Variants in USB1 observed in about 807,000 individuals in gnomAD.
The protein encoded by USB1 is U6 snRNA biogenesis phosphodiesterase 1, also known as U6 snRNA phosphodiesterase 1.
In USB1, 21 loss-of-function variants were observed where a neutral mutation model predicts 29.9. The ratio of observed to expected loss-of-function variants is 0.70; its 90% CI spans 0.50 to 1.01. The LOEUF (loss-of-function observed/expected upper bound fraction) is 1.01. Ranked by LOEUF, USB1 falls within the 50% of genes least tolerant of loss-of-function variation. USB1 has a pLI of 0.00. For synonymous variants in USB1, 143 were observed against 134.9 expected (o/e 1.06, Z -0.42); for missense variants, 330 against 347.1 (o/e 0.95, Z 0.39).
In USB1 at chr16:58,013,823, T is replaced by C. The variant is rs1419348937; in HGVS notation, c.450-450T>C. The stretch of plus-strand genomic sequence containing the variant: ...TTGTGTGAGGATTCGAGAAACAGAG[T>C]GTGCAAAGGCTTGAGCTCAGCCCTG... On this transcript the variant is annotated intron_variant, in intron 3 of 6. Transcript: ENST00000219281. The surrounding 1 kb of genome is among the most constrained non-coding windows in gnomAD (Gnocchi z 4.3). 1 of 192,378 alleles carries C rather than the reference T, an allele frequency of 5.2e-6. No individual in the cohort carries two copies. Among genetic ancestry groups the C allele is most frequent in the Non-Finnish European group, 1.0e-5 (1 of 96,810 alleles). 11.9% of individuals were successfully genotyped at this position (192,378 alleles called of 1,614,324 possible).
intron 3 of USB1, chr16:58,012,598 A>C (rs2142306365): frequency 7.2e-7 from 1 of 1,382,666 alleles, no homozygotes; most frequent in East Asian, 2.7e-5. Flanking sequence ...GATTGGCTTC[A>C]GCACAAGTCA....
chr16:58,020,048 C>A, intron 6 of USB1, 93 bp from the exon 7 acceptor site: 2 of 1,226,980 alleles, frequency 1.6e-6, no homozygotes, highest in South Asian at 1.2e-5. Context: ...CTCGCCCAGC[C>A]TCTGAAGTTG....
rs142772054 is a variant in USB1 at position 58,011,304 on chromosome 16, A to G, written c.449+1192A>G. 3.1e-4 allele frequency: 445 copies of G among 1,423,106 alleles called. 2 individuals carry two copies. In the African/African-American group the frequency reaches 5.2e-3, roughly 17 times the overall value. 88.2% of individuals were successfully genotyped at this position (1,423,106 alleles called of 1,614,324 possible). On this transcript the variant is annotated intron_variant, in intron 3 of 6. Transcript: ENST00000219281. Reference sequence around the variant, plus strand: ...CCTCACTGGGGGCCTATGGGGGTGAAAGGAGATCATGGGTGCCCTCAGCAC... The same window carrying G: ...CCTCACTGGGGGCCTATGGGGGTGAGAGGAGATCATGGGTGCCCTCAGCAC...
rs371407164 is a variant in USB1, at chr16:58,002,938, G to A, written c.265+293G>A. Among the ~76,000 whole-genome samples, 6 of 152,300 alleles carry A rather than the reference G, an allele frequency of 3.9e-5. No homozygotes were observed. The South Asian group carries it at 6.2e-4, about 16-fold the overall frequency. On this transcript the variant is annotated intron_variant, in intron 2 of 6. Coordinates refer to ENST00000219281, the MANE Select transcript of USB1 (RefSeq NM_024598.4). ...GAGCAGGGTGTCAAGGTCATGCCAG[G>A]CACTTTATTTCTGAGAGGGCCCTGG...
In USB1 at chr16:58,021,466, A is replaced by G. The variant is rs1330532592; in HGVS notation, c.*1221A>G. On this transcript the variant is annotated 3_prime_UTR_variant, in exon 7 of 7. Coordinates refer to ENST00000219281, the MANE Select transcript of USB1 (RefSeq NM_024598.4). ...AACGTGGAGGAAGGGCCAGGGATGC[A>G]TGGGATTTTAATTGTTTCATCACAC... The G allele has an allele frequency of 6.6e-6, 1 of 152,262 alleles. No individual in the cohort carries two copies. Among genetic ancestry groups the G allele is most frequent in the Non-Finnish European group, 1.5e-5 (1 of 68,048 alleles). 9.4% of individuals were successfully genotyped at this position (152,262 alleles called of 1,614,324 possible). A position where few individuals can be genotyped will look rare whatever the true frequency, so the allele number is the denominator to read the frequency against.
chr16:58,003,131 G>A (rs1450030902), intron 2 of USB1, among the ~76,000 whole-genome samples: 1 of 152,200 alleles, frequency 6.6e-6, no homozygotes, highest in Admixed American at 6.5e-5. Flanking sequence ...AATCTAAAAT[G>A]GGGGTAGCAC....
chr16:58,003,336 C>T (rs941048610), intron 2 of USB1, among the ~76,000 whole-genome samples: 2 of 152,110 alleles, frequency 1.3e-5, no homozygotes, highest in Admixed American at 6.6e-5. Flanking sequence ...CTGAGGTAGG[C>T]GGATTGACTG....
chr16:58,001,249 G>A, upstream of USB1: 3 of 612,206 alleles, frequency 4.9e-6, no homozygotes, highest in Non-Finnish European at 8.8e-6. Flanking sequence ...GGAGGTCCCA[G>A]CGGGGTGCCG....
chr16:58,007,681 C>T (rs1037312834), intron 2 of USB1, among the ~76,000 whole-genome samples: 2 of 151,890 alleles, frequency 1.3e-5, no homozygotes, highest in East Asian at 2.0e-4. Flanking sequence ...AGAGCCCAGC[C>T]GGAAGGTAAT....
upstream of USB1, chr16:58,000,443 A>G (rs887887374): frequency 2.7e-5 from 4 of 149,430 alleles, no homozygotes; most frequent in Non-Finnish European, 6.0e-5. This position sits in a 1 kb window ranked among gnomAD's most constrained non-coding sequence, Gnocchi z 4.5. Flanking sequence ...GCGAGCGGCG[A>G]CCAGCTGCTC....
chr16:58,002,662 A>C lies in USB1; in HGVS notation c.265+17A>C. 6.2e-7 allele frequency: 1 copy of C among 1,613,646 alleles called. No homozygotes were observed. The highest frequency in any genetic ancestry group is 8.5e-7 in the Non-Finnish European group (1 of 1,179,936). On this transcript the variant is annotated intron_variant, in intron 2 of 6. Transcript: ENST00000219281. ...ATGTACCATGTGAGTGATGTGTGAA[A>C]GGCAAGTTGCCAAGACCCATAGACC...
At chr16:58,004,944 G>A (rs1963316278) in intron 2 of USB1, among the ~76,000 whole-genome samples, 1 of 152,174 alleles carries the variant, frequency 6.6e-6, no homozygotes, top group African/African-American at 2.4e-5. Context: ...AAGACAAAGG[G>A]TCAGGGTAAG....
At chr16:58,004,914 C>T (rs1172539323) in intron 2 of USB1, among the ~76,000 whole-genome samples, 3 of 152,094 alleles carry the variant, frequency 2.0e-5, no homozygotes, top group African/African-American at 7.2e-5. Context: ...TGCCAGGCTG[C>T]GCTGATATTT....
intron 4 of USB1, chr16:58,016,897 G>A (rs2142311166): frequency 7.7e-6 from 2 of 259,350 alleles, no homozygotes; most frequent in East Asian, 1.9e-4. Context: ...TGGGTTCAGG[G>A]GAGAGTTTTT....
intron 3 of USB1, chr16:58,011,495 G>T: frequency 9.9e-7 from 1 of 1,014,152 alleles, no homozygotes; most frequent in Non-Finnish European, 1.2e-6. Flanking sequence ...TTTCACTGAG[G>T]CTCTCCCGGT....
In USB1 at chr16:58,020,431, C is replaced by T; in HGVS notation, c.*186C>T. On this transcript the variant is annotated 3_prime_UTR_variant, in exon 7 of 7. Transcript: ENST00000219281. ...GATATTCTCTCTCTCTCTTTCTCTT[C>T]CTCTTCTTTCTCTCTCTTCTCCTCT... is the stretch of plus-strand genomic sequence containing the variant. The T allele has an allele frequency of 1.6e-6, 1 of 642,508 alleles. No individual in the cohort carries two copies. Among genetic ancestry groups the T allele is most frequent in the Non-Finnish European group, 2.8e-6 (1 of 355,538 alleles). 39.8% of individuals were successfully genotyped at this position (642,508 alleles called of 1,614,324 possible).
At chr16:58,011,225 A>G in intron 3 of USB1, 1 of 1,487,388 alleles carries the variant, frequency 6.7e-7, no homozygotes, top group Non-Finnish European at 8.9e-7. Context: ...ACCAACACAT[A>G]TGTTATCATT....
chr16:58,006,377 A>G (rs1169215587), intron 2 of USB1, among the ~76,000 whole-genome samples: 1 of 150,570 alleles, frequency 6.6e-6, no homozygotes, highest in Non-Finnish European at 1.5e-5. Flanking sequence ...ACAAAAAAAA[A>G]AAACGGACAC....
Position 58,013,508 on chromosome 16 carries a change from G to A in USB1, c.450-765G>A. The A allele has an allele frequency of 1.0e-6, 1 of 980,924 alleles. No individual in the cohort carries two copies. Among genetic ancestry groups the A allele is most frequent in the Non-Finnish European group, 1.2e-6 (1 of 829,622 alleles). 60.8% of individuals were successfully genotyped at this position (980,924 alleles called of 1,614,324 possible). A position where few individuals can be genotyped will look rare whatever the true frequency, so the allele number is the denominator to read the frequency against. On this transcript the variant is annotated intron_variant, in intron 3 of 6. Coordinates refer to ENST00000219281, the MANE Select transcript of USB1 (RefSeq NM_024598.4). The surrounding 1 kb of genome is among the most constrained non-coding windows in gnomAD (Gnocchi z 4.3). Reference sequence around the variant, plus strand: ...TCTGTGAGGAGACTTTCCATGGTGAGATTGCTAGTGTCTCAGAGAATAAAG... The same window carrying A: ...TCTGTGAGGAGACTTTCCATGGTGAAATTGCTAGTGTCTCAGAGAATAAAG...
Sources: allele counts gnomAD v4.1 joint callset (sites outside exome capture counted in the v4.1 genomes callset), GRCh38; gene constraint gnomAD v4.1.1; non-coding constraint Gnocchi (gnomAD v3.1); transcripts MANE v1.5; gene names NCBI Gene and HGNC (gene_info 2026-07-23, HGNC 2026-07-21).